ATXN1: variants seen among roughly 807,000 people sequenced by gnomAD.
ATXN1 encodes the protein ataxin 1, also known as ataxin-1.
In ATXN1, 8 loss-of-function variants were observed where a neutral mutation model predicts 56.4. That is an observed-to-expected ratio of 0.14 (90% CI 0.08 to 0.26). ATXN1 has a LOEUF of 0.26. ATXN1 is among the 10% of genes least tolerant of loss of function. ATXN1 has a pLI of 1.00. For missense variants in ATXN1, 987 were observed against 1,106.5 expected (o/e 0.89, Z 1.53); for synonymous variants, 514 against 494.6 (o/e 1.04, Z -0.52).
intron 3 of ATXN1, among the ~76,000 whole-genome samples, chr6:16,587,334 A>C (rs1762643294): frequency 6.6e-6 from 1 of 152,248 alleles, no homozygotes; most frequent in Admixed American, 6.5e-5. Flanking sequence ...ATGAATTCCA[A>C]AGTAAAGATA....
At chr6:16,613,918 C>CA (rs1228573215) in intron 3 of ATXN1, among the ~76,000 whole-genome samples, 1 of 151,650 alleles carries the variant, frequency 6.6e-6, no homozygotes, top group Non-Finnish European at 1.5e-5. Flanking sequence ...AAATCCTGAT[C>CA]AAAAAAATTA....
chr6:16,407,453 T>C (rs1299649504), intron 6 of ATXN1, among the ~76,000 whole-genome samples: 1 of 152,238 alleles, frequency 6.6e-6, no homozygotes, highest in Non-Finnish European at 1.5e-5. Flanking sequence ...AGTAAGGCTG[T>C]CCTAAGGAAT....
At chr6:16,430,100 A>G (rs1453207338) in intron 6 of ATXN1, among the ~76,000 whole-genome samples, 2 of 152,094 alleles carry the variant, frequency 1.3e-5, no homozygotes, top group African/African-American at 4.8e-5. Flanking sequence ...AAAATTCTGA[A>G]GTTTACTGAT....
At chr6:16,374,844 A>G (rs1189628726) in intron 6 of ATXN1, among the ~76,000 whole-genome samples, 1 of 152,264 alleles carries the variant, frequency 6.6e-6, no homozygotes, top group African/African-American at 2.4e-5. Flanking sequence ...CTGCAGAGTT[A>G]CCTGCACGCA....
intron 4 of ATXN1, among the ~76,000 whole-genome samples, chr6:16,530,169 C>T (rs975088869): frequency 2.1e-4 from 32 of 152,060 alleles, no homozygotes; most frequent in Admixed American, 1.6e-3. Context: ...TGAAGAAAAT[C>T]ATTTTCAAGG....
At chr6:16,532,020 T>C (rs931827941) in intron 4 of ATXN1, among the ~76,000 whole-genome samples, 5 of 152,182 alleles carry the variant, frequency 3.3e-5, no homozygotes, top group African/African-American at 7.2e-5. Context: ...GACATCTCCA[T>C]TGCAACTACT....
intron 3 of ATXN1, among the ~76,000 whole-genome samples, chr6:16,602,265 C>G (rs967213491): frequency 2.0e-5 from 3 of 152,076 alleles, no homozygotes; most frequent in African/African-American, 7.2e-5. Context: ...CCACCCCTGC[C>G]CTGTCAACTT....
At chr6:16,442,737 C>T (rs1263037716) in intron 6 of ATXN1, among the ~76,000 whole-genome samples, 1 of 152,180 alleles carries the variant, frequency 6.6e-6, no homozygotes, top group East Asian at 1.9e-4. Context: ...GAAGGCTGGG[C>T]ATGGTGGCTC....
At chr6:16,373,080 C>A (rs1762078944) in intron 6 of ATXN1, among the ~76,000 whole-genome samples, 1 of 152,150 alleles carries the variant, frequency 6.6e-6, no homozygotes, top group Non-Finnish European at 1.5e-5. Flanking sequence ...ACACATAGGG[C>A]CATGTAGGTG....
intron 6 of ATXN1, among the ~76,000 whole-genome samples, chr6:16,450,258 A>AACACTCAG (rs1759727608): frequency 6.6e-6 from 1 of 152,236 alleles, no homozygotes; most frequent in Non-Finnish European, 1.5e-5. Context: ...TATGATTGCA[A>AACACTCAG]ACACTCAGAT....
intron 2 of ATXN1, among the ~76,000 whole-genome samples, chr6:16,694,291 C>T (rs1232449668): frequency 2.9e-5 from 4 of 135,660 alleles, no homozygotes; most frequent in Non-Finnish European, 6.1e-5. Context: ...CTCGCTCTGT[C>T]GCCAGGCTGG....
intron 7 of ATXN1, among the ~76,000 whole-genome samples, chr6:16,318,012 T>C (rs1760555712): frequency 6.6e-6 from 1 of 152,198 alleles, no homozygotes; most frequent in Admixed American, 6.5e-5. Flanking sequence ...TTCAATAAAA[T>C]TCCTTTCACC....
At chr6:16,617,272 T>C (rs938549862) in intron 3 of ATXN1, among the ~76,000 whole-genome samples, 4 of 152,052 alleles carry the variant, frequency 2.6e-5, no homozygotes, top group African/African-American at 9.7e-5. Context: ...GGATCAAAAA[T>C]TACAAGAGTT....
intron 6 of ATXN1, among the ~76,000 whole-genome samples, chr6:16,347,518 T>A (rs1761443580): frequency 6.6e-6 from 1 of 151,128 alleles, no homozygotes; most frequent in African/African-American, 2.4e-5. Context: ...AATACACCAA[T>A]CGGCACTCTG....
intron 3 of ATXN1, among the ~76,000 whole-genome samples, chr6:16,610,246 TAC>T (rs2113789533): frequency 6.6e-6 from 1 of 150,664 alleles, no homozygotes; most frequent in South Asian, 2.1e-4. Flanking sequence ...ACTGAAGAAA[TAC>T]AGAGTAAACC....
chr6:16,686,487 T>C (rs1187810650), intron 2 of ATXN1, among the ~76,000 whole-genome samples: 1 of 93,780 alleles, frequency 1.1e-5, no homozygotes, highest in Non-Finnish European at 2.3e-5. Flanking sequence ...GTGGTCCACC[T>C]TGAAGGCATG....
intron 3 of ATXN1, among the ~76,000 whole-genome samples, chr6:16,606,102 C>T (rs1197454391): frequency 6.6e-6 from 1 of 152,134 alleles, no homozygotes; most frequent in Non-Finnish European, 1.5e-5. Flanking sequence ...GCACTCCAGC[C>T]TGGAGTACAG....
At chr6:16,628,321 T>G (rs989607719) in intron 3 of ATXN1, among the ~76,000 whole-genome samples, 1 of 152,220 alleles carries the variant, frequency 6.6e-6, no homozygotes, top group African/African-American at 2.4e-5. Flanking sequence ...ATCCATGGGA[T>G]ATCCACGTGC....
At chr6:16,745,755 T>C (rs1760510357) in intron 2 of ATXN1, among the ~76,000 whole-genome samples, 1 of 152,070 alleles carries the variant, frequency 6.6e-6, no homozygotes, top group Non-Finnish European at 1.5e-5. Flanking sequence ...AAAACGTCAC[T>C]GACAGGTTAG....
Sources: gnomAD v4.1 joint callset for allele counts (sites outside exome capture counted in the v4.1 genomes callset) on GRCh38, gnomAD v4.1.1 for gene constraint, MANE v1.5 for transcripts, NCBI Gene and HGNC (gene_info 2026-07-23, HGNC 2026-07-21) for gene names.